The following DNAH1 variants were observed in gnomAD, a reference collection of about 807,000 sequenced individuals.
The protein encoded by DNAH1 is axonemal beta dynein heavy chain 1.
DNAH1 carries 327 observed loss-of-function variants against 484.3 expected under a neutral mutation model. That is an observed-to-expected ratio of 0.68 (90% CI 0.62 to 0.74). The LOEUF is 0.74. DNAH1 is among the 30% of genes least tolerant of loss of function. The probability of loss-of-function intolerance (pLI) is 0.00; values close to 1 mark genes in which losing one functional copy is unlikely to be tolerated. For missense variants in DNAH1, 5,052 were observed against 5,546.8 expected (o/e 0.91, Z 2.83); for synonymous variants, 2,192 against 2,191.9 (o/e 1.00, Z 0.00).
intron 56 of DNAH1, among the ~76,000 whole-genome samples, chr3:52,387,951 C>T (rs1303573043): frequency 6.6e-6 from 1 of 152,160 alleles, no homozygotes; most frequent in African/African-American, 2.4e-5. Context: ...CAAGGAAGAC[C>T]TCCCTAATCA....
chr3:52,391,751 C>A, intron 63 of DNAH1, 148 bp downstream of exon 63: 1 of 930,920 alleles, frequency 1.1e-6, no homozygotes, highest in Non-Finnish European at 1.6e-6. Context: ...ACATTCGAAG[C>A]CTTTCTAGCA....
chr3:52,370,450 G>C, intron 39 of DNAH1, 27 bp from the exon 40 acceptor site: 1 of 1,613,820 alleles, frequency 6.2e-7, no homozygotes, highest in Non-Finnish European at 8.5e-7. Context: ...TCCTGTCTCA[G>C]CCTGATACTG....
rs781340964 is a variant in DNAH1 at position 52,400,355 on chromosome 3, A to C, written c.12707A>C (p.Asn4236Thr). The change falls in exon 78 of 78, where the codon AAC (asparagine) becomes ACC (threonine). Residue 4236 changes from asparagine to threonine, a missense_variant. By Grantham distance (65) the Asn-to-Thr change is moderately conservative (BLOSUM62 0). Coordinates refer to ENST00000420323, the MANE Select transcript of DNAH1 (RefSeq NM_015512.5). Reference sequence around the variant, plus strand: ...CTATCAACCACAGGACACTCTACCAACTATGTCATTGCTGTGGAGATCCCC... The same window carrying C: ...CTATCAACCACAGGACACTCTACCACCTATGTCATTGCTGTGGAGATCCCC... Reference protein sequence around the residue: ...GTLSTTGHSTNYVIAVEIPTH... With the variant: ...GTLSTTGHSTTYVIAVEIPTH... 1 of 1,613,962 alleles carries C rather than the reference A, an allele frequency of 6.2e-7. No homozygotes were observed. Among genetic ancestry groups the C allele is most frequent in the Non-Finnish European group, 8.5e-7 (1 of 1,179,866 alleles).
intron 63 of DNAH1, among the ~76,000 whole-genome samples, chr3:52,392,028 G>C (rs775343132): frequency 4.6e-5 from 7 of 152,202 alleles, no homozygotes; most frequent in Non-Finnish European, 1.0e-4. Flanking sequence ...GGGCACTGTG[G>C]TTTTCGCTGG....
intron 7 of DNAH1, 127 bp downstream of exon 7, chr3:52,331,436 C>A: frequency 8.8e-7 from 1 of 1,138,378 alleles, no homozygotes; most frequent in East Asian, 2.6e-5. Flanking sequence ...TTGCCCAATG[C>A]CCTGACCGGT....
At chr3:52,384,618 A>G (rs1024745430) in intron 52 of DNAH1, among the ~76,000 whole-genome samples, 168 bp from the exon 53 acceptor site, 2 of 152,204 alleles carry the variant, frequency 1.3e-5, no homozygotes, top group African/African-American at 4.8e-5. Flanking sequence ...ATCTGCACAA[A>G]AGGTGACCTC....
In DNAH1 at chr3:52,398,958, G is replaced by A; in HGVS notation, c.12198G>A (p.Leu4066=). ...SSQLELMAAS[L]YNNTVPELWS... is the part of the protein sequence containing the mutation. ...AGCTGGAGCTGATGGCTGCCAGCCT[G>A]TACAACAATACTGTGCCTGAGCTCT... Residue 4066 remains leucine (L), a synonymous_variant, in exon 76 of 78, where the codon CTG becomes CTA. Coordinates refer to ENST00000420323, the MANE Select transcript of DNAH1 (RefSeq NM_015512.5). 1.9e-6 allele frequency: 3 copies of A among 1,613,816 alleles called. No homozygotes were observed. Among genetic ancestry groups the A allele is most frequent in the East Asian group, 4.5e-5 (2 of 44,872 alleles).
At chr3:52,328,057 G>C in intron 6 of DNAH1, 43 bp downstream of exon 6, 2 of 1,598,276 alleles carry the variant, frequency 1.3e-6, no homozygotes, top group Non-Finnish European at 1.7e-6. Context: ...TCTCATTCCA[G>C]TAGCAGCCCT....
At position 52,326,303 on chromosome 3, in the gene DNAH1, T is replaced by C; in HGVS notation, c.570T>C (p.Ile190=). The part of the protein sequence containing the change: ...QVLPGQHPRK[I]EIERRKQQYL... ...TGCCAGGCCAGCATCCTCGCAAGATTGAGATCGAGAGGTACGGCTGGGTGG... is the reference window on the plus strand; with the variant it reads ...TGCCAGGCCAGCATCCTCGCAAGATCGAGATCGAGAGGTACGGCTGGGTGG... The change falls in exon 4 of 78, where the codon ATT becomes ATC. Residue 190 remains isoleucine, a synonymous_variant. Transcript: ENST00000420323. 6.2e-7 allele frequency: 1 copy of C among 1,607,034 alleles called. No homozygotes were observed. Among genetic ancestry groups the C allele is most frequent in the Non-Finnish European group, 8.5e-7 (1 of 1,179,644 alleles).
intron 26 of DNAH1, 108 bp from the exon 27 acceptor site, chr3:52,359,808 C>T: frequency 7.0e-7 from 1 of 1,433,692 alleles, no homozygotes; most frequent in South Asian, 1.3e-5. Flanking sequence ...CCATCAGAGA[C>T]CCCCAGGATA....
chr3:52,331,290 T>C lies in DNAH1; in HGVS notation c.1014T>C (p.Asn338=), dbSNP rs201633397. The C allele has an allele frequency of 4.4e-6, 7 of 1,608,636 alleles. No individual in the cohort carries two copies. In the African/African-American group the frequency reaches 6.7e-5, roughly 15 times the overall value. Residue 338 remains asparagine (N), a synonymous_variant, in exon 7 of 78, where the codon AAT becomes AAC. Transcript: ENST00000420323. ...ATGAGATGGGGAGGCCCATCCTGAA[T>C]GCAGGGGTCACCACTGAAGGTATGA... is the stretch of plus-strand genomic sequence containing the variant. The part of the protein sequence containing the change: ...VRDEMGRPIL[N]AGVTTEGRPP...
chr3:52,376,012 G>A lies in DNAH1; in HGVS notation c.7198+19G>A, dbSNP rs756650706. On this transcript the variant is annotated intron_variant, in intron 46 of 77. Coordinates refer to ENST00000420323, the MANE Select transcript of DNAH1 (RefSeq NM_015512.5). The stretch of plus-strand genomic sequence containing the variant: ...CGTGTGCGTAAGTGTGGGCCTGGGC[G>A]GGAATGGGGCACTGGTTCCAGGAGG... 15 of 1,609,980 alleles carry A rather than the reference G, an allele frequency of 9.3e-6. No individual in the cohort carries two copies. Among genetic ancestry groups the A allele is most frequent in the Admixed American group, 1.7e-5 (1 of 58,758 alleles).
intron 52 of DNAH1, among the ~76,000 whole-genome samples, chr3:52,384,250 G>A (rs2153225262): frequency 6.6e-6 from 1 of 152,358 alleles, no homozygotes; most frequent in Admixed American, 6.5e-5. Flanking sequence ...CAGCTGCACG[G>A]GTACTGCTTC....
chr3:52,359,702 A>G (rs947331064), intron 26 of DNAH1, among the ~76,000 whole-genome samples: 2 of 152,218 alleles, frequency 1.3e-5, no homozygotes, highest in Admixed American at 6.5e-5. Flanking sequence ...GGGTTCAGAC[A>G]GCACGACATG....
Position 52,345,598 on chromosome 3 carries a change from G to C in DNAH1, c.1548G>C (p.Val516=). Residue 516 remains valine (V), a synonymous_variant, in exon 10 of 78, where the codon GTG becomes GTC. Transcript: ENST00000420323. Reference sequence around the variant, plus strand: ...AGGTCATCACGGCCCTCAGCAAGGTGAGGGCCGAGTGCAACAAGGTGACCG... The same window carrying C: ...AGGTCATCACGGCCCTCAGCAAGGTCAGGGCCGAGTGCAACAAGGTGACCG... The part of the protein sequence containing the change: ...RPEVITALSK[V]RAECNKVTAM... The C allele has an allele frequency of 6.2e-7, 1 of 1,605,434 alleles. No individual in the cohort carries two copies. The highest frequency in any genetic ancestry group is 1.1e-5 in the South Asian group (1 of 89,678).
At chr3:52,336,311 G>A (rs1349697641) in intron 8 of DNAH1, among the ~76,000 whole-genome samples, 1 of 152,128 alleles carries the variant, frequency 6.6e-6, no homozygotes, top group African/African-American at 2.4e-5. Context: ...AGCACTTTGG[G>A]AGGCCGAGCA....
At position 52,400,337 on chromosome 3, in the gene DNAH1, C is replaced by T; in HGVS notation, c.12689C>T (p.Thr4230Ile). The change falls in exon 78 of 78, where the codon ACC becomes ATC. Residue 4230 changes from threonine to isoleucine, a missense_variant. Thr to Ile is a moderately conservative substitution (Grantham distance 89). Coordinates refer to ENST00000420323, the MANE Select transcript of DNAH1 (RefSeq NM_015512.5). ...KTLTRAGTLS[T>I]TGHSTNYVIA... ...TTGCCCATTCCAGGAACACTATCAA[C>T]CACAGGACACTCTACCAACTATGTC... 4 of 1,614,042 alleles carry T rather than the reference C, an allele frequency of 2.5e-6. No homozygotes were observed. Among genetic ancestry groups the T allele is most frequent in the Non-Finnish European group, 3.4e-6 (4 of 1,179,892 alleles).
rs768554542 is a variant in DNAH1, at chr3:52,386,287, C to T, written c.8753C>T (p.Pro2918Leu). Residue 2918 changes from proline (P) to leucine (L), a missense_variant, in exon 55 of 78, where the codon CCA becomes CTA. Coordinates refer to ENST00000420323, the MANE Select transcript of DNAH1 (RefSeq NM_015512.5). ...DAQKDLDEAL[P>L]ALDAALASLR... is the part of the protein sequence containing the mutation. ...CAGAAGGACCTGGACGAGGCGTTGC[C>T]AGCCCTGGATGCGGCTCTGGCCAGC... 6 of 1,607,684 alleles carry T rather than the reference C, an allele frequency of 3.7e-6. No homozygotes were observed. The South Asian group carries it at 5.6e-5, about 15-fold the overall frequency.
In DNAH1 at chr3:52,372,166, G is replaced by C. The variant is rs533628527; in HGVS notation, c.6667-61G>C. On this transcript the variant is annotated intron_variant, in intron 42 of 77. Coordinates refer to ENST00000420323, the MANE Select transcript of DNAH1 (RefSeq NM_015512.5). ...TGACCAGCCTCCCACATGGATGCAG[G>C]GGCAGCTCCTCCTGTGCACCAGGCC... 4 of 1,610,136 alleles carry C rather than the reference G, an allele frequency of 2.5e-6. No homozygotes were observed. In the African/African-American group the frequency reaches 5.3e-5, roughly 22 times the overall value.
Sources: allele counts gnomAD v4.1 joint callset (sites outside exome capture counted in the v4.1 genomes callset), GRCh38; gene constraint gnomAD v4.1.1; transcripts MANE v1.5; gene names NCBI Gene and HGNC (gene_info 2026-07-23, HGNC 2026-07-21).